Variants in TPM3 observed in about 807,000 individuals in gnomAD.
TPM3 encodes tropomyosin alpha-3 chain.
In TPM3, 16 loss-of-function variants were observed where a neutral mutation model predicts 43.1. The ratio of observed to expected loss-of-function variants is 0.37; its 90% CI spans 0.25 to 0.56. The LOEUF is 0.56. Ranked by LOEUF, TPM3 falls within the 20% of genes least tolerant of loss-of-function variation. The probability of loss-of-function intolerance (pLI) is 0.77; values close to 1 mark genes in which losing one functional copy is unlikely to be tolerated. For synonymous variants in TPM3, 101 were observed against 116.9 expected, an observed-to-expected ratio of 0.86 and a Z score of 0.88; for missense variants, 176 against 337.2, an observed-to-expected ratio of 0.52 and a Z score of 3.74.
chr1:154,183,085 C>A (rs1663149591), intron 2 of TPM3: 1 of 1,600,838 alleles, frequency 6.2e-7, no homozygotes, highest in Non-Finnish European at 8.5e-7. Flanking sequence ...CTGGATCTTG[C>A]GCTTCACCGC....
chr1:154,174,004 T>C (rs945363317), intron 3 of TPM3, among the ~76,000 whole-genome samples: 1 of 150,626 alleles, frequency 6.6e-6, no homozygotes, highest in African/African-American at 2.4e-5. Context: ...AAAAAACTTA[T>C]TAAGAAATTA....
At chr1:154,171,562 A>T (rs1661578344) in intron 5 of TPM3, 74 bp from the exon 6 acceptor site, 4 of 1,512,132 alleles carry the variant, frequency 2.6e-6, no homozygotes, top group Non-Finnish European at 3.7e-6. Context: ...AGAGACACAT[A>T]GACGTGAATT....
At chr1:154,182,010 A>G (rs1323152067) in intron 2 of TPM3, among the ~76,000 whole-genome samples, 1 of 148,468 alleles carries the variant, frequency 6.7e-6, no homozygotes. Context: ...CAAATATTCC[A>G]CTAGAGTCAC....
downstream of TPM3, chr1:154,155,890 T>C (rs138993462): frequency 9.6e-6 from 2 of 207,664 alleles, no homozygotes; most frequent in South Asian, 1.9e-4. Flanking sequence ...ACAATACTTA[T>C]CTCCATTTTA....
At chr1:154,177,650 T>C (rs1023394101) in intron 2 of TPM3, among the ~76,000 whole-genome samples, 1 of 152,184 alleles carries the variant, frequency 6.6e-6, no homozygotes, top group Non-Finnish European at 1.5e-5. Flanking sequence ...CTCTCTTCTA[T>C]AGCCCAGATT....
At chr1:154,170,504 T>A (rs778311970) in intron 7 of TPM3, 35 bp from the exon 8 acceptor site, 13 of 1,612,546 alleles carry the variant, frequency 8.1e-6, no homozygotes, top group Non-Finnish European at 1.1e-5. Context: ...GAACCAGAGA[T>A]GAAGACAAAG....
chr1:154,183,347 G>A, intron 2 of TPM3: 5 of 1,427,220 alleles, frequency 3.5e-6, no homozygotes, highest in Non-Finnish European at 4.6e-6. Context: ...TCGCCCTGGA[G>A]TACGGCTCCC....
chr1:154,184,683 G>T (rs1663321502), intron 2 of TPM3, among the ~76,000 whole-genome samples: 1 of 152,088 alleles, frequency 6.6e-6, no homozygotes, highest in East Asian at 1.9e-4. Context: ...GGAGGCCAAC[G>T]CGAGAAGATC....
chr1:154,185,112 C>G (rs1337787934), intron 2 of TPM3, among the ~76,000 whole-genome samples: 2 of 152,168 alleles, frequency 1.3e-5, no homozygotes, highest in African/African-American at 4.8e-5. Context: ...TGGCTCATGC[C>G]TGTAATCCCA....
chr1:154,172,080 C>A lies in TPM3; in HGVS notation c.567-592G>T, dbSNP rs779222360. 5 of 1,614,070 alleles carry A rather than the reference C, an allele frequency of 3.1e-6. No individual in the cohort carries two copies. The African/African-American group carries it at 4.0e-5, about 13-fold the overall frequency. On this transcript the variant is annotated intron_variant, in intron 5 of 9. Coordinates refer to ENST00000651641, the MANE Select transcript of TPM3 (RefSeq NM_152263.4). ...TCAGGTTCTGGTCCATCAGTCTAAT[C>A]TGCTCATCCATCTCTCGGCAACGGC...
chr1:154,159,025 G>C (rs770908325), downstream of TPM3: 2 of 780,654 alleles, frequency 2.6e-6, no homozygotes, highest in Non-Finnish European at 2.4e-6. Context: ...AGGCGGTTTC[G>C]CTCAAGTTGG....
Position 154,167,566 on chromosome 1 carries a change from T to C in TPM3, c.*371A>G. 8.5e-7 allele frequency: 1 copy of C among 1,176,046 alleles called. No individual in the cohort carries two copies. Among genetic ancestry groups the C allele is most frequent in the Non-Finnish European group, 1.1e-6 (1 of 943,478 alleles). 72.9% of individuals were successfully genotyped at this position (1,176,046 alleles called of 1,614,324 possible). On this transcript the variant is annotated 3_prime_UTR_variant, in exon 10 of 10. Coordinates refer to ENST00000651641, the MANE Select transcript of TPM3 (RefSeq NM_152263.4). Reference sequence around the variant, plus strand: ...ACCTGTACTAAATCCATCACTCTGGTAGAATCAGATCAGCTGAGTTTAAAT... The same window carrying C: ...ACCTGTACTAAATCCATCACTCTGGCAGAATCAGATCAGCTGAGTTTAAAT...
At chr1:154,188,583 G>A (rs1397573287) in intron 2 of TPM3, among the ~76,000 whole-genome samples, 2 of 149,648 alleles carry the variant, frequency 1.3e-5, no homozygotes, top group East Asian at 3.9e-4. Flanking sequence ...GCTGAGGCAG[G>A]AGAATGGCGT....
intron 5 of TPM3, chr1:154,171,899 G>A: frequency 1.0e-6 from 1 of 964,604 alleles, no homozygotes; most frequent in Non-Finnish European, 1.7e-6. Context: ...GAAAAGAATG[G>A]AGCATTCCAT....
chr1:154,187,980 G>C (rs1325467328), intron 2 of TPM3, among the ~76,000 whole-genome samples: 1 of 151,516 alleles, frequency 6.6e-6, no homozygotes, highest in African/African-American at 2.4e-5. Context: ...AAAGCCCAGG[G>C]GTAACCTGTA....
At position 154,162,453 on chromosome 1, in the gene TPM3, G is replaced by C. The variant is rs1660486484; in HGVS notation, c.*5484C>G. Among the ~76,000 whole-genome samples the C allele has an allele frequency of 1.3e-5, 2 of 151,802 alleles. No individual in the cohort carries two copies. Among genetic ancestry groups the C allele is most frequent in the Non-Finnish European group, 2.9e-5 (2 of 67,976 alleles). On this transcript the variant is annotated 3_prime_UTR_variant, in exon 10 of 10. Coordinates refer to ENST00000651641, the MANE Select transcript of TPM3 (RefSeq NM_152263.4). ...CATGTGAAAGGAAGAGATTTGGTTG[G>C]GGCTAAGATAAAGCTGCCAAACAGA... is the stretch of plus-strand genomic sequence containing the variant.
downstream of TPM3, chr1:154,156,761 G>A (rs1011356149): frequency 4.0e-5 from 8 of 199,156 alleles, no homozygotes; most frequent in African/African-American, 1.2e-4. Context: ...CACTTCTAGA[G>A]ACAGCAGCTT....
rs184762572 is a variant in TPM3 at position 154,177,705 on chromosome 1, T to G, written c.244-1457A>C. ...CTGATTTCTTCCTGGCAGGCAGGAG[T>G]TGGTGCAGCTATAGAAACAGCCTGG... On this transcript the variant is annotated intron_variant, in intron 2 of 9. Transcript: ENST00000651641. 2.0e-5 allele frequency among the ~76,000 whole-genome samples: 3 copies of G among 152,072 alleles called. No homozygotes were observed. In the East Asian group the frequency reaches 5.8e-4, roughly 29 times the overall value.
rs751422429 is a variant in TPM3 at position 154,167,610 on chromosome 1, C to A, written c.*327G>T. 8.2e-7 allele frequency: 1 copy of A among 1,220,988 alleles called. No homozygotes were observed. The highest frequency in any genetic ancestry group is 1.0e-6 in the Non-Finnish European group (1 of 970,582). The allele number at this position is 1,220,988 out of a possible 1,614,324, so 75.6% of individuals were successfully genotyped here. ...TTTAAATGTCAAGAAAAAATAGACA[C>A]ACACAAAAGTGGCTTTGATTACATA... is the stretch of plus-strand genomic sequence containing the variant. On this transcript the variant is annotated 3_prime_UTR_variant, in exon 10 of 10. Transcript: ENST00000651641.
Sources: allele counts gnomAD v4.1 joint callset (sites outside exome capture counted in the v4.1 genomes callset), GRCh38; gene constraint gnomAD v4.1.1; transcripts MANE v1.5; gene names NCBI Gene and HGNC (gene_info 2026-07-23, HGNC 2026-07-21).